Variants in MACROD2 observed in about 807,000 individuals in gnomAD.
The protein encoded by MACROD2 is ADP-ribose glycohydrolase MACROD2.
Under a neutral mutation model 70.4 loss-of-function variants are expected in MACROD2, and 36 were observed. The observed-to-expected ratio is 0.51, with a 90% CI of 0.39 to 0.68. The LOEUF (loss-of-function observed/expected upper bound fraction) is 0.68. Among genes scored for constraint, MACROD2 ranks in the 30% least tolerant of loss-of-function variants. The probability of loss-of-function intolerance (pLI) is 0.00; values close to 1 mark genes in which losing one functional copy is unlikely to be tolerated. For synonymous variants in MACROD2, 172 were observed against 178.8 expected (o/e 0.96, Z 0.30); for missense variants, 496 against 538.4 (o/e 0.92, Z 0.78).
At chr20:15,307,438 C>T (rs6105389) in intron 6 of MACROD2, among the ~76,000 whole-genome samples, 1 of 152,090 alleles carries the variant, frequency 6.6e-6, no homozygotes, top group African/African-American at 2.4e-5. Flanking sequence ...ACACAGAATC[C>T]TCAAGTGTTT....
chr20:15,678,347 C>T (rs2050101500), intron 8 of MACROD2, among the ~76,000 whole-genome samples: 1 of 150,980 alleles, frequency 6.6e-6, no homozygotes, highest in Admixed American at 6.6e-5. Context: ...GCCTGGACAA[C>T]AGAGCAAGGC....
At chr20:14,918,551 T>A (rs181668079) in intron 5 of MACROD2, among the ~76,000 whole-genome samples, 6 of 152,160 alleles carry the variant, frequency 3.9e-5, no homozygotes. Flanking sequence ...ATTTAGTAAA[T>A]GTATTCCTCT....
At chr20:15,842,753 G>GAA in intron 8 of MACROD2, among the ~76,000 whole-genome samples, 1 of 140,856 alleles carries the variant, frequency 7.1e-6, no homozygotes, top group South Asian at 2.3e-4. Context: ...TAGAGAAATA[G>GAA]ACAGACAAAT....
Position 14,711,525 on chromosome 20 carries a change from G to C in MACROD2, c.418+26566G>C, listed in dbSNP as rs16994825. On this transcript the variant is annotated intron_variant, in intron 5 of 17. Coordinates refer to ENST00000684519, the MANE Select transcript of MACROD2 (RefSeq NM_001351661.2). Reference sequence around the variant, plus strand: ...GGTGATAGTTTATATATTCTTGAAGGCTTTAAAAATATAATTAGCCTCTCT... The same window carrying C: ...GGTGATAGTTTATATATTCTTGAAGCCTTTAAAAATATAATTAGCCTCTCT... 7.6e-3 allele frequency among the ~76,000 whole-genome samples: 1,164 copies of C among 152,200 alleles called. 6 individuals are homozygous for C. Among genetic ancestry groups the C allele is most frequent in the Non-Finnish European group, 0.012 (802 of 68,002 alleles).
chr20:14,124,868 T>A (rs938444903), intron 3 of MACROD2, among the ~76,000 whole-genome samples: 29 of 152,284 alleles, frequency 1.9e-4, no homozygotes, highest in African/African-American at 7.0e-4. Flanking sequence ...CATAGCAGCA[T>A]TTTTTGTCAT....
intron 8 of MACROD2, among the ~76,000 whole-genome samples, chr20:15,683,438 A>C (rs2050187112): frequency 6.6e-6 from 1 of 152,248 alleles, no homozygotes; most frequent in Non-Finnish European, 1.5e-5. Flanking sequence ...CTCATTGGAA[A>C]ATAGAAAATA....
rs142107357 is a variant in MACROD2 at position 14,510,382 on chromosome 20, G to T, written c.301+16874G>T. 6.4e-3 allele frequency among the ~76,000 whole-genome samples: 977 copies of T among 152,128 alleles called. 4 individuals carry two copies. Among genetic ancestry groups the T allele is most frequent in the African/African-American group, 0.022 (907 of 41,556 alleles). Reference sequence around the variant, plus strand: ...AAAATGAGAAAAACATGAGAATTTAGATGCTTGCTTCCTAAGTTACCAAAG... The same window carrying T: ...AAAATGAGAAAAACATGAGAATTTATATGCTTGCTTCCTAAGTTACCAAAG... On this transcript the variant is annotated intron_variant, in intron 4 of 17. Transcript: ENST00000684519.
chr20:16,008,028 G>A (rs549032964), intron 15 of MACROD2, among the ~76,000 whole-genome samples: 120 of 152,306 alleles, frequency 7.9e-4, no homozygotes, highest in African/African-American at 2.7e-3. Context: ...GGACATGCAC[G>A]ATGGGGAGCT....
At chr20:15,575,019 C>A (rs1269399322) in intron 8 of MACROD2, among the ~76,000 whole-genome samples, 1 of 152,098 alleles carries the variant, frequency 6.6e-6, no homozygotes, top group Non-Finnish European at 1.5e-5. Context: ...GTTTTGCAGC[C>A]TCCATAGATA....
At chr20:15,958,860 G>A (rs1170485520) in intron 12 of MACROD2, among the ~76,000 whole-genome samples, 2 of 152,156 alleles carry the variant, frequency 1.3e-5, no homozygotes, top group East Asian at 1.9e-4. Flanking sequence ...ATGCAGGAAC[G>A]TGACCAGAAG....
chr20:14,869,793 A>G (rs967177033), intron 5 of MACROD2, among the ~76,000 whole-genome samples: 2 of 152,244 alleles, frequency 1.3e-5, no homozygotes, highest in African/African-American at 4.8e-5. Context: ...GTTAAAGTAA[A>G]TGCTACATGC....
intron 15 of MACROD2, among the ~76,000 whole-genome samples, chr20:16,032,289 A>G (rs1189041104): frequency 6.6e-6 from 1 of 151,870 alleles, no homozygotes; most frequent in Non-Finnish European, 1.5e-5. Flanking sequence ...GAAACTACCA[A>G]TCGGGTGCTA....
At chr20:14,837,368 T>C (rs934832493) in intron 5 of MACROD2, among the ~76,000 whole-genome samples, 4 of 152,072 alleles carry the variant, frequency 2.6e-5, no homozygotes, top group African/African-American at 7.2e-5. Context: ...TAGATGTTCA[T>C]AGGAGCTCCC....
At chr20:15,229,213 T>TA (rs2076938309) in intron 5 of MACROD2, among the ~76,000 whole-genome samples, 2 of 152,316 alleles carry the variant, frequency 1.3e-5, no homozygotes, top group African/African-American at 4.8e-5. Flanking sequence ...TTGTTGTGTA[T>TA]AAAAAATATC....
intron 2 of MACROD2, among the ~76,000 whole-genome samples, chr20:14,021,276 A>G (rs6110135): frequency 0.36 from 54,773 of 152,078 alleles, 10,627 homozygotes; most frequent in South Asian, 0.48. Context: ...GGCGTGAGCC[A>G]CCACGCCCAG....
At chr20:14,852,655 T>G (rs1451133274) in intron 5 of MACROD2, among the ~76,000 whole-genome samples, 2 of 152,104 alleles carry the variant, frequency 1.3e-5, no homozygotes, top group African/African-American at 4.8e-5. Context: ...TAGTATCAAG[T>G]CACAGGACCC....
At position 15,288,693 on chromosome 20, in the gene MACROD2, C is replaced by T. The variant is rs568222475; in HGVS notation, c.540+58632C>T. Among the ~76,000 whole-genome samples, 48 of 152,284 alleles carry T rather than the reference C, an allele frequency of 3.2e-4. No individual in the cohort carries two copies. The South Asian group carries it at 8.9e-3, about 28-fold the overall frequency. On this transcript the variant is annotated intron_variant, in intron 6 of 17. Transcript: ENST00000684519. ...TCTGGTCTTCGGACTCTGGAACTTG[C>T]ACCAGCAGTCTGCCTGATTCTCAGG... is the stretch of plus-strand genomic sequence containing the variant.
intron 3 of MACROD2, among the ~76,000 whole-genome samples, chr20:14,375,084 C>T (rs538264727): frequency 9.2e-5 from 14 of 152,080 alleles, no homozygotes; most frequent in African/African-American, 3.4e-4. Context: ...TTATTTCCTC[C>T]CTTTTGAATC....
intron 2 of MACROD2, among the ~76,000 whole-genome samples, chr20:14,068,902 T>C (rs2053803855): frequency 6.6e-6 from 1 of 152,188 alleles, no homozygotes; most frequent in Non-Finnish European, 1.5e-5. Context: ...AAGATAAATT[T>C]TTTAACTTGA....
Sources: allele counts gnomAD v4.1 joint callset (sites outside exome capture counted in the v4.1 genomes callset), GRCh38; gene constraint gnomAD v4.1.1; transcripts MANE v1.5; gene names NCBI Gene and HGNC (gene_info 2026-07-23, HGNC 2026-07-21).